The following PPIP5K2 variants were observed in gnomAD, a reference collection of about 807,000 sequenced individuals.
PPIP5K2 encodes the protein inositol hexakisphosphate and diphosphoinositol-pentakisphosphate kinase 2.
In PPIP5K2, 105 loss-of-function variants were observed where a neutral mutation model predicts 154.6. The observed-to-expected ratio is 0.68, with a 90% CI of 0.58 to 0.80. The LOEUF is 0.80. Among genes scored for constraint, PPIP5K2 ranks in the 30% least tolerant of loss-of-function variants. The pLI is 0.00. For synonymous variants in PPIP5K2, 480 were observed against 490.3 expected (o/e 0.98, Z 0.28); for missense variants, 992 against 1,504.6 (o/e 0.66, Z 5.64).
In PPIP5K2 at chr5:103,211,406, A is replaced by G. The variant is rs1181148187; in HGVS notation, c.*9772A>G. 2.0e-5 allele frequency: 3 copies of G among 152,116 alleles called. No homozygotes were observed. The highest frequency in any genetic ancestry group is 7.2e-5 in the African/African-American group (3 of 41,450). 9.4% of individuals were successfully genotyped at this position (152,116 alleles called of 1,614,324 possible). On this transcript the variant is annotated 3_prime_UTR_variant, in exon 31 of 31. Transcript: ENST00000358359. ...TACTGGGTGAAGCCAGGAAGCTACC[A>G]TATACATAGAAAAGTTAGTTGCCAA...
At chr5:103,167,108 GTA>G in intron 17 of PPIP5K2, 69 bp from the exon 18 acceptor site, 27 of 1,184,350 alleles carry the variant, frequency 2.3e-5, no homozygotes, top group South Asian at 7.3e-5. Context: ...GGAAAATTTT[GTA>G]TATATATATT....
intron 1 of PPIP5K2, among the ~76,000 whole-genome samples, chr5:103,125,938 G>C (rs1459199922): frequency 1.3e-5 from 2 of 152,110 alleles, no homozygotes; most frequent in African/African-American, 4.8e-5. Context: ...TTCTTACTAT[G>C]GCTTCTCAGT....
intron 1 of PPIP5K2, among the ~76,000 whole-genome samples, chr5:103,122,632 C>T (rs1788965187): frequency 6.6e-6 from 1 of 152,150 alleles, no homozygotes; most frequent in Non-Finnish European, 1.5e-5. Context: ...GGAAAGGAGA[C>T]ACCATTTATA....
chr5:103,123,493 A>C (rs1789128941), intron 1 of PPIP5K2, among the ~76,000 whole-genome samples: 1 of 152,218 alleles, frequency 6.6e-6, no homozygotes, highest in Non-Finnish European at 1.5e-5. Flanking sequence ...TTGCATGCTA[A>C]TGTTTGAGAA....
At chr5:103,121,350 C>T (rs527888278) in intron 1 of PPIP5K2, among the ~76,000 whole-genome samples, 1 of 152,252 alleles carries the variant, frequency 6.6e-6, no homozygotes, top group Admixed American at 6.5e-5. Context: ...CTCAACAATT[C>T]CAGGAGGTAT....
intron 4 of PPIP5K2, among the ~76,000 whole-genome samples, chr5:103,137,307 C>T (rs552309287): frequency 1.2e-4 from 18 of 151,920 alleles, no homozygotes; most frequent in African/African-American, 2.4e-4. Flanking sequence ...GGATTACAGG[C>T]GCCCGCCACC....
In PPIP5K2 at chr5:103,120,875, T is replaced by C. The variant is rs141048898; in HGVS notation, c.-285+387T>C. 2.1e-3 allele frequency: 367 copies of C among 176,158 alleles called. 1 individual carries two copies. The highest frequency in any genetic ancestry group is 3.0e-3 in the Non-Finnish European group (240 of 79,656). 10.9% of individuals were successfully genotyped at this position (176,158 alleles called of 1,614,324 possible). Reference sequence around the variant, plus strand: ...TGGCTTTTTAAAAAATTTTCTGCCTTAGTCTTTATCCCTCTCTCTGTCAAC... The same window carrying C: ...TGGCTTTTTAAAAAATTTTCTGCCTCAGTCTTTATCCCTCTCTCTGTCAAC... On this transcript the variant is annotated intron_variant, in intron 1 of 30. Transcript: ENST00000358359.
rs983937462 is a variant in PPIP5K2 at position 103,139,563 on chromosome 5, A to C, written c.487+1094A>C. 2.0e-5 allele frequency among the ~76,000 whole-genome samples: 3 copies of C among 152,194 alleles called. No homozygotes were observed. The South Asian group carries it at 6.2e-4, about 31-fold the overall frequency. On this transcript the variant is annotated intron_variant, in intron 5 of 30. Coordinates refer to ENST00000358359, the MANE Select transcript of PPIP5K2 (RefSeq NM_001276277.3). ...AAGCTTTCTCAAGAAGGATGGATACAAACAAGCCCAAACGGTGAAGACTGA... is the reference window on the plus strand; with the variant it reads ...AAGCTTTCTCAAGAAGGATGGATACCAACAAGCCCAAACGGTGAAGACTGA...
At chr5:103,170,233 T>C (rs1406908634) in intron 19 of PPIP5K2, among the ~76,000 whole-genome samples, 2 of 151,570 alleles carry the variant, frequency 1.3e-5, no homozygotes, top group African/African-American at 4.8e-5. Flanking sequence ...AATAAATTCA[T>C]AATAAATTTT....
chr5:103,193,998 TA>T, intron 29 of PPIP5K2, among the ~76,000 whole-genome samples: 1 of 152,362 alleles, frequency 6.6e-6, no homozygotes, highest in Non-Finnish European at 1.5e-5. Flanking sequence ...CTCATTTAGT[TA>T]AATTTCAACT....
chr5:103,194,728 A>G (rs1562509425), intron 29 of PPIP5K2, 172 bp from the exon 30 acceptor site: 3 of 623,592 alleles, frequency 4.8e-6, no homozygotes, highest in Non-Finnish European at 5.5e-6. Context: ...TAAGGCCATA[A>G]CAGAACTATC....
chr5:103,142,943 A>G (rs577015064), intron 5 of PPIP5K2, among the ~76,000 whole-genome samples: 6 of 152,304 alleles, frequency 3.9e-5, no homozygotes, highest in East Asian at 3.9e-4. Flanking sequence ...TAATAACTAC[A>G]ACAACTTTTT....
At chr5:103,186,618 C>T (rs957028019) in intron 27 of PPIP5K2, among the ~76,000 whole-genome samples, 179 bp downstream of exon 27, 21 of 152,090 alleles carry the variant, frequency 1.4e-4, no homozygotes, top group Admixed American at 1.3e-3. Context: ...TTTCATCAGA[C>T]AGTTAATTGT....
intron 23 of PPIP5K2, among the ~76,000 whole-genome samples, chr5:103,179,079 A>G (rs1799133246): frequency 6.6e-6 from 1 of 152,002 alleles, no homozygotes. Context: ...GTATATGATC[A>G]TAACATCATC....
intron 1 of PPIP5K2, among the ~76,000 whole-genome samples, chr5:103,126,420 G>GAT (rs1789683390): frequency 6.6e-6 from 1 of 152,112 alleles, no homozygotes; most frequent in African/African-American, 2.4e-5. Flanking sequence ...CCCGAAAGTT[G>GAT]ATTTCTACTT....
chr5:103,121,126 T>C (rs1554198867), intron 1 of PPIP5K2, among the ~76,000 whole-genome samples: 1 of 152,106 alleles, frequency 6.6e-6, no homozygotes, highest in Non-Finnish European at 1.5e-5. Flanking sequence ...GTAGTTGTCT[T>C]GCTGGAAGGC....
chr5:103,169,743 T>A (rs79766593), intron 19 of PPIP5K2, among the ~76,000 whole-genome samples: 2,870 of 151,844 alleles, frequency 0.019, 102 homozygotes, highest in African/African-American at 0.066. Flanking sequence ...ACTCATTCCC[T>A]GACAATTTCT....
rs187113525 is a variant in PPIP5K2 at position 103,169,721 on chromosome 5, T to C, written c.2286+1426T>C. The stretch of plus-strand genomic sequence containing the variant: ...CTTTAGGCCTTTAGGAAACATTTAC[T>C]TAGGAAACAGGACTCATTCCCTGAC... On this transcript the variant is annotated intron_variant, in intron 19 of 30. Coordinates refer to ENST00000358359, the MANE Select transcript of PPIP5K2 (RefSeq NM_001276277.3). Among the ~76,000 whole-genome samples the C allele has an allele frequency of 5.5e-4, 84 of 151,900 alleles. 1 individual carries two copies. Among genetic ancestry groups the C allele is most frequent in the African/African-American group, 2.0e-3 (81 of 41,532 alleles).
At chr5:103,145,747 G>C (rs1793647941) in intron 5 of PPIP5K2, among the ~76,000 whole-genome samples, 1 of 151,138 alleles carries the variant, frequency 6.6e-6, no homozygotes, top group Admixed American at 6.6e-5. Flanking sequence ...AGGATGACGG[G>C]GATGAAGTGA....
Sources: gnomAD v4.1 joint callset for allele counts (sites outside exome capture counted in the v4.1 genomes callset) on GRCh38, gnomAD v4.1.1 for gene constraint, MANE v1.5 for transcripts, NCBI Gene and HGNC (gene_info 2026-07-23, HGNC 2026-07-21) for gene names.